The following NTRK3 variants were observed in gnomAD, a reference collection of about 807,000 sequenced individuals.
NTRK3 encodes NT-3 growth factor receptor.
In NTRK3, 24 loss-of-function variants were observed where a neutral mutation model predicts 91.7. The ratio of observed to expected loss-of-function variants is 0.26; its 90% CI spans 0.19 to 0.37. NTRK3 has a LOEUF of 0.37. Ranked by LOEUF, NTRK3 falls within the 10% of genes least tolerant of loss-of-function variation. The pLI, the probability that NTRK3 is intolerant of heterozygous loss-of-function variation, is 1.00. For missense variants in NTRK3, 880 were observed against 1,068.9 expected, an observed-to-expected ratio of 0.82 and a Z score of 2.46; for synonymous variants, 483 against 404.0, an observed-to-expected ratio of 1.20 and a Z score of -2.34.
chr15:87,979,851 A>T (rs1344236239), intron 14 of NTRK3, among the ~76,000 whole-genome samples: 1 of 152,166 alleles, frequency 6.6e-6, no homozygotes, highest in Non-Finnish European at 1.5e-5. Context: ...CTGTAGGGTC[A>T]CTTAGGGGCT....
At chr15:87,955,867 T>C (rs1037842726) in intron 14 of NTRK3, among the ~76,000 whole-genome samples, 3 of 152,182 alleles carry the variant, frequency 2.0e-5, no homozygotes, top group African/African-American at 4.8e-5. Context: ...TCAACAAATA[T>C]GCATTAAACT....
chr15:87,931,599 A>C (rs1345614206), intron 16 of NTRK3, among the ~76,000 whole-genome samples: 1 of 152,212 alleles, frequency 6.6e-6, no homozygotes, highest in Admixed American at 6.5e-5. Context: ...TATGAACCCA[A>C]ATCTGTCTTA....
intron 14 of NTRK3, among the ~76,000 whole-genome samples, chr15:87,973,068 G>T (rs148259994): frequency 7.9e-4 from 120 of 152,280 alleles, no homozygotes; most frequent in African/African-American, 2.8e-3. Flanking sequence ...TGGCCCAGGA[G>T]CATACAGAAC....
chr15:88,176,126 T>A (rs985337367), intron 5 of NTRK3, among the ~76,000 whole-genome samples: 4 of 147,992 alleles, frequency 2.7e-5, no homozygotes, highest in Non-Finnish European at 4.5e-5. Flanking sequence ...TATTTGCCTA[T>A]ATGCCCCTTC....
chr15:88,126,298 C>T (rs2151106164), exon 13 of NTRK3: 1 of 1,613,914 alleles, frequency 6.2e-7, no homozygotes, highest in East Asian at 2.2e-5. Flanking sequence ...GACCGTCGAC[C>T]ATATTTGTTG....
intron 3 of NTRK3, among the ~76,000 whole-genome samples, chr15:88,194,661 C>G (rs2047674265): frequency 6.6e-6 from 1 of 152,200 alleles, no homozygotes; most frequent in Non-Finnish European, 1.5e-5. Flanking sequence ...ACACAGAAAC[C>G]CCAATGAATT....
intron 14 of NTRK3, among the ~76,000 whole-genome samples, chr15:87,981,909 T>A (rs745749646): frequency 1.6e-4 from 24 of 152,278 alleles, no homozygotes; most frequent in Non-Finnish European, 2.8e-4. Context: ...TCCTTGCCAT[T>A]GTTAGGGCAT....
intron 13 of NTRK3, among the ~76,000 whole-genome samples, chr15:88,102,904 A>C (rs2050324447): frequency 6.6e-6 from 1 of 152,204 alleles, no homozygotes; most frequent in Non-Finnish European, 1.5e-5. Flanking sequence ...GTCAGAGTTG[A>C]TGAAGGCGTT....
chr15:87,908,489 T>C (rs973171063), intron 17 of NTRK3: 5 of 399,872 alleles, frequency 1.3e-5, no homozygotes, highest in African/African-American at 1.0e-4. Flanking sequence ...CCAGACTCAC[T>C]GTGGAAGCTG....
Position 87,863,532 on chromosome 15 carries a change from T to TTC in NTRK3, c.*13402_*13403insGA, listed in dbSNP as rs1263760285. The TTC allele has an allele frequency of 2.3e-5, 5 of 220,054 alleles. No individual in the cohort carries two copies. In the East Asian group the frequency reaches 3.3e-4, roughly 15 times the overall value. 13.6% of individuals were successfully genotyped at this position (220,054 alleles called of 1,614,324 possible). ...AAACATGTTCCAAAAGTCTTTTTTT[T>TTC]TTTTTGTATGTGTGTCATTTCAAAC... On this transcript the variant is annotated 3_prime_UTR_variant, in exon 19 of 19. Coordinates refer to ENST00000394480, the Ensembl canonical transcript of NTRK3.
intron 5 of NTRK3, among the ~76,000 whole-genome samples, chr15:88,157,878 G>T (rs768480181): frequency 6.6e-6 from 1 of 152,228 alleles, no homozygotes. Flanking sequence ...GAGGCTGGTA[G>T]CTGGCACCAG....
At chr15:87,999,662 C>T (rs530325748) in intron 14 of NTRK3, among the ~76,000 whole-genome samples, 56 of 152,246 alleles carry the variant, frequency 3.7e-4, no homozygotes, top group South Asian at 1.2e-3. Flanking sequence ...TGATAAGGAG[C>T]TGAGGACATG....
chr15:88,001,223 T>C (rs1424175334), intron 14 of NTRK3, among the ~76,000 whole-genome samples: 6 of 152,180 alleles, frequency 3.9e-5, no homozygotes, highest in Non-Finnish European at 7.4e-5. Context: ...GTGTTCTTTA[T>C]ATATTCTGGA....
At chr15:87,987,677 CAT>C (rs1054251605) in intron 14 of NTRK3, among the ~76,000 whole-genome samples, 39 of 151,958 alleles carry the variant, frequency 2.6e-4, no homozygotes, top group African/African-American at 9.2e-4. Flanking sequence ...ATACAGTACT[CAT>C]AGATTTTTTT....
At chr15:88,096,052 A>G (rs1309850582) in intron 13 of NTRK3, among the ~76,000 whole-genome samples, 2 of 152,142 alleles carry the variant, frequency 1.3e-5, no homozygotes, top group African/African-American at 4.8e-5. Flanking sequence ...ATAAATGGGA[A>G]AATAATTTTA....
chr15:87,974,899 T>G (rs1422884926), intron 14 of NTRK3, among the ~76,000 whole-genome samples: 2 of 152,114 alleles, frequency 1.3e-5, no homozygotes, highest in Non-Finnish European at 2.9e-5. Flanking sequence ...GGGGAGCACC[T>G]AGGTGGTGTT....
chr15:87,985,897 C>G (rs1202097160), intron 14 of NTRK3, among the ~76,000 whole-genome samples: 1 of 152,132 alleles, frequency 6.6e-6, no homozygotes, highest in Non-Finnish European at 1.5e-5. Flanking sequence ...GGGGGGCCAC[C>G]CACCACTTGG....
chr15:88,206,659 A>AAG (rs2048815308), intron 3 of NTRK3, among the ~76,000 whole-genome samples: 1 of 105,920 alleles, frequency 9.4e-6, no homozygotes, highest in Non-Finnish European at 2.0e-5. Flanking sequence ...CTCCGTCTCG[A>AAG]AAAAAAAAAA....
chr15:88,121,835 C>CA (rs1407746067), intron 13 of NTRK3, among the ~76,000 whole-genome samples: 3 of 152,192 alleles, frequency 2.0e-5, no homozygotes, highest in African/African-American at 7.2e-5. Context: ...TCATCAATAG[C>CA]AAAAAGAAAC....
Sources: gnomAD v4.1 joint callset for allele counts (sites outside exome capture counted in the v4.1 genomes callset) on GRCh38, gnomAD v4.1.1 for gene constraint, MANE v1.5 for transcripts, NCBI Gene and HGNC (gene_info 2026-07-23, HGNC 2026-07-21) for gene names.